Variants in UBE3C observed in about 807,000 individuals in gnomAD.
The protein encoded by UBE3C is ubiquitin-protein ligase E3C.
In UBE3C, 42 loss-of-function variants were observed where a neutral mutation model predicts 129.4. That is an observed-to-expected ratio of 0.32 (90% CI 0.25 to 0.42). The LOEUF (loss-of-function observed/expected upper bound fraction) is 0.42, where lower values mean the gene tolerates loss of function less well. Ranked by LOEUF, UBE3C falls within the 10% of genes least tolerant of loss-of-function variation. UBE3C has a pLI of 1.00. For missense variants in UBE3C, 1,049 were observed against 1,319.1 expected, an observed-to-expected ratio of 0.80 and a Z score of 3.17; for synonymous variants, 510 against 492.4, an observed-to-expected ratio of 1.04 and a Z score of -0.47.
Position 157,155,101 on chromosome 7 carries a change from G to GT in UBE3C, c.67-8705dup, listed in dbSNP as rs1189275400. Among the ~76,000 whole-genome samples, 9 of 152,214 alleles carry GT rather than the reference G, an allele frequency of 5.9e-5. No homozygotes were observed. The East Asian group carries it at 1.5e-3, about 26-fold the overall frequency. Reference sequence around the variant, plus strand: ...CTGATGATGATGCACCTGTAAGTATGTTTTGCATTTGTGAAATTGGCGGTT... The same window carrying GT: ...CTGATGATGATGCACCTGTAAGTATGTTTTTGCATTTGTGAAATTGGCGGTT... On this transcript the variant is annotated intron_variant, in intron 1 of 22. Coordinates refer to ENST00000348165, the MANE Select transcript of UBE3C (RefSeq NM_014671.3).
intron 18 of UBE3C, among the ~76,000 whole-genome samples, chr7:157,234,414 G>A (rs6459743): frequency 0.34 from 51,017 of 152,084 alleles, 11,606 homozygotes; most frequent in African/African-American, 0.64. Context: ...GACCGTACAC[G>A]TAACACTCTG....
chr7:157,235,451 CT>C lies in UBE3C; in HGVS notation c.2481+4126del, dbSNP rs1159090520. Among the ~76,000 whole-genome samples the C allele has an allele frequency of 4.6e-5, 7 of 152,246 alleles. No homozygotes were observed. The South Asian group carries it at 8.3e-4, about 18-fold the overall frequency. ...TTCCTGAATGTATAAATCATCCAGTCTTGATTAATGTAGAAGCTAATAGTTA... is the reference window on the plus strand; with the variant it reads ...TTCCTGAATGTATAAATCATCCAGTCTGATTAATGTAGAAGCTAATAGTTA... On this transcript the variant is annotated intron_variant, in intron 18 of 22. Transcript: ENST00000348165.
At chr7:157,259,623 C>T (rs548169593) in intron 22 of UBE3C, among the ~76,000 whole-genome samples, 43 of 152,282 alleles carry the variant, frequency 2.8e-4, no homozygotes, top group African/African-American at 9.9e-4. Flanking sequence ...AAGCAAGACA[C>T]AAGACTACGT....
chr7:157,184,041 G>A lies in UBE3C; in HGVS notation c.1143+12G>A. ...AGCCCTCAAGCCCGGTAAGCCCCGT[G>A]CCCTGCATCTGGGGGGCTGCGATGC... On this transcript the variant is annotated intron_variant, in intron 9 of 22. Transcript: ENST00000348165. The A allele has an allele frequency of 6.2e-7, 1 of 1,612,450 alleles. No individual in the cohort carries two copies. Among genetic ancestry groups the A allele is most frequent in the African/African-American group, 1.3e-5 (1 of 74,952 alleles).
intron 18 of UBE3C, among the ~76,000 whole-genome samples, chr7:157,244,239 A>G (rs1796418716): frequency 6.6e-6 from 1 of 152,178 alleles, no homozygotes; most frequent in African/African-American, 2.4e-5. Flanking sequence ...GTCTCGAAAA[A>G]AAAGAAAGAA....
chr7:157,223,204 T>C, intron 15 of UBE3C, 50 bp from the exon 16 acceptor site: 5 of 1,561,842 alleles, frequency 3.2e-6, no homozygotes, highest in Non-Finnish European at 3.5e-6. Context: ...TCAGTGGGAA[T>C]GCAGGGGAAA....
chr7:157,205,249 T>C (rs889034110), intron 11 of UBE3C, among the ~76,000 whole-genome samples: 1 of 152,208 alleles, frequency 6.6e-6, no homozygotes, highest in African/African-American at 2.4e-5. Flanking sequence ...GTTTTTGTCA[T>C]TAAAGTAAAA....
chr7:157,163,193 G>C (rs1808119195), intron 1 of UBE3C, among the ~76,000 whole-genome samples: 1 of 151,908 alleles, frequency 6.6e-6, no homozygotes, highest in African/African-American at 2.4e-5. Flanking sequence ...AGACCATCCT[G>C]GCTAACACAG....
intron 17 of UBE3C, among the ~76,000 whole-genome samples, chr7:157,226,742 T>C (rs141040668): frequency 8.6e-5 from 13 of 152,028 alleles, no homozygotes; most frequent in African/African-American, 3.1e-4. Flanking sequence ...TTTACACAAT[T>C]TACCGTTGCC....
chr7:157,145,368 A>G (rs12698033), intron 1 of UBE3C, among the ~76,000 whole-genome samples: 6,985 of 151,956 alleles, frequency 0.046, 214 homozygotes, highest in Non-Finnish European at 0.071. Context: ...AAATACAAAA[A>G]TTAGCCAGGC....
chr7:157,174,877 A>C (rs1394224566), intron 4 of UBE3C, 42 bp from the exon 5 acceptor site: 7 of 1,479,244 alleles, frequency 4.7e-6, no homozygotes, highest in Non-Finnish European at 4.6e-6. Flanking sequence ...AAACTATTAA[A>C]TTTTCATTGA....
Position 157,139,043 on chromosome 7 carries a change from T to C in UBE3C, c.-230T>C, listed in dbSNP as rs533154972. ...CGGCCCGAGCTGTGGCCGGCGTGGA[T>C]GAGGGGCAGGCGAGGCAGGGCCGCC... is the stretch of plus-strand genomic sequence containing the variant. On this transcript the variant is annotated 5_prime_UTR_variant, in exon 1 of 23. An upstream start codon of the reference 5' UTR is lost. Transcript: ENST00000348165. 1 of 155,956 alleles carries C rather than the reference T, an allele frequency of 6.4e-6. No homozygotes were observed. The highest frequency in any genetic ancestry group is 1.4e-5 in the Non-Finnish European group (1 of 71,356). 9.7% of individuals were successfully genotyped at this position (155,956 alleles called of 1,614,324 possible). A position where few individuals can be genotyped will look rare whatever the true frequency, so the allele number is the denominator to read the frequency against.
chr7:157,268,128 G>A lies in UBE3C; in HGVS notation c.*373G>A, dbSNP rs1405469017. The stretch of plus-strand genomic sequence containing the variant: ...GCAGGCAGCGCCACTCCAGGGTTCA[G>A]ACAGGGCTGCACAGGCGGCAGAGAT... On this transcript the variant is annotated 3_prime_UTR_variant, in exon 23 of 23. Coordinates refer to ENST00000348165, the MANE Select transcript of UBE3C (RefSeq NM_014671.3). 2 of 165,910 alleles carry A rather than the reference G, an allele frequency of 1.2e-5. No homozygotes were observed. Among genetic ancestry groups the A allele is most frequent in the African/African-American group, 4.8e-5 (2 of 41,726 alleles). The allele number at this position is 165,910 out of a possible 1,614,324, so 10.3% of individuals were successfully genotyped here. A position where few individuals can be genotyped will look rare whatever the true frequency, so the allele number is the denominator to read the frequency against.
At chr7:157,252,086 A>G (rs1456621161) in intron 19 of UBE3C, among the ~76,000 whole-genome samples, 1 of 152,292 alleles carries the variant, frequency 6.6e-6, no homozygotes, top group South Asian at 2.1e-4. Context: ...CACTGAGCCA[A>G]GATTGCTCCA....
chr7:157,234,834 A>G (rs1203919000), intron 18 of UBE3C, among the ~76,000 whole-genome samples: 1 of 152,196 alleles, frequency 6.6e-6, no homozygotes, highest in African/African-American at 2.4e-5. Context: ...TGATGGTCAC[A>G]CAGCCTACTT....
chr7:157,173,881 C>T (rs764720355), intron 4 of UBE3C, among the ~76,000 whole-genome samples: 1 of 152,150 alleles, frequency 6.6e-6, no homozygotes, highest in East Asian at 1.9e-4. Flanking sequence ...AACTAATATT[C>T]GGAGTAGTTC....
intron 18 of UBE3C, among the ~76,000 whole-genome samples, chr7:157,238,398 G>A (rs536811805): frequency 6.6e-6 from 1 of 152,086 alleles, no homozygotes; most frequent in East Asian, 1.9e-4. Context: ...ACATCGTTCA[G>A]GTGGAGTGAT....
At chr7:157,246,398 G>C (rs1796477943) in intron 18 of UBE3C, among the ~76,000 whole-genome samples, 1 of 152,178 alleles carries the variant, frequency 6.6e-6, no homozygotes, top group Non-Finnish European at 1.5e-5. Flanking sequence ...TTACTCCCAT[G>C]TTATTAATTC....
At chr7:157,140,037 G>T (rs1295742288) in intron 1 of UBE3C, 2 of 985,264 alleles carry the variant, frequency 2.0e-6, no homozygotes, top group African/African-American at 1.7e-5. Flanking sequence ...TTAGGATAAG[G>T]GTAGGCAAAC....
Sources: gnomAD v4.1 joint callset for allele counts (sites outside exome capture counted in the v4.1 genomes callset) on GRCh38, gnomAD v4.1.1 for gene constraint, MANE v1.5 for transcripts, NCBI Gene and HGNC (gene_info 2026-07-23, HGNC 2026-07-21) for gene names.